COL26A1: variants seen among roughly 807,000 people sequenced by gnomAD.
COL26A1 encodes collagen alpha-1(XXVI) chain.
COL26A1 carries 41 observed loss-of-function variants against 59.3 expected under a neutral mutation model. The observed-to-expected ratio is 0.69, with a 90% CI of 0.54 to 0.90. COL26A1 has a LOEUF of 0.90. COL26A1 is among the 40% of genes least tolerant of loss of function. The pLI is 0.00. For missense variants in COL26A1, 612 were observed against 602.3 expected (o/e 1.02, Z -0.17); for synonymous variants, 266 against 256.0 (o/e 1.04, Z -0.37).
At chr7:101,522,845 T>C (rs1356229522) in intron 3 of COL26A1, among the ~76,000 whole-genome samples, 2 of 152,006 alleles carry the variant, frequency 1.3e-5, no homozygotes, top group Non-Finnish European at 2.9e-5. Flanking sequence ...AGAGTAACTG[T>C]TAGTCTTTTT....
intron 1 of COL26A1, among the ~76,000 whole-genome samples, chr7:101,415,151 C>T (rs191010927): frequency 2.4e-4 from 34 of 140,526 alleles, no homozygotes; most frequent in African/African-American, 7.5e-4. Flanking sequence ...GATCATAACC[C>T]CCCCCCTTTT....
chr7:101,452,554 G>A (rs959224751), intron 3 of COL26A1, among the ~76,000 whole-genome samples: 1 of 152,068 alleles, frequency 6.6e-6, no homozygotes. Context: ...GTCTTTATGG[G>A]AACACCAAAG....
At chr7:101,487,240 G>T (rs146661297) in intron 3 of COL26A1, among the ~76,000 whole-genome samples, 1 of 152,324 alleles carries the variant, frequency 6.6e-6, no homozygotes, top group Non-Finnish European at 1.5e-5. Flanking sequence ...GCCTGGGGAG[G>T]AGGGCAGGGT....
chr7:101,479,609 T>G (rs1794115430), intron 3 of COL26A1, among the ~76,000 whole-genome samples: 1 of 152,224 alleles, frequency 6.6e-6, no homozygotes, highest in Admixed American at 6.6e-5. Flanking sequence ...ATCAGTTTAC[T>G]TACCCATTTA....
At chr7:101,441,672 T>C (rs1302626626) in intron 2 of COL26A1, among the ~76,000 whole-genome samples, 1 of 152,126 alleles carries the variant, frequency 6.6e-6, no homozygotes, top group Non-Finnish European at 1.5e-5. Flanking sequence ...CAAGTGTGGA[T>C]TGAAGTGAGA....
rs35706592 is a variant in COL26A1, at chr7:101,390,966, C to T, written c.158+27776C>T. ...CACTGTGGCTTTAGAGATCCTTTCC[C>T]TCTCTAGGTCTACTCTTTGGCCTGT... On this transcript the variant is annotated intron_variant, in intron 1 of 12. Coordinates refer to ENST00000313669, the MANE Select transcript of COL26A1 (RefSeq NM_001278563.3). 9.6e-3 allele frequency among the ~76,000 whole-genome samples: 1,465 copies of T among 152,290 alleles called. 6 individuals carry two copies. The highest frequency in any genetic ancestry group is 0.016 in the Non-Finnish European group (1,116 of 68,030).
chr7:101,461,833 G>C (rs566132991), intron 3 of COL26A1, among the ~76,000 whole-genome samples: 25 of 152,244 alleles, frequency 1.6e-4, no homozygotes, highest in African/African-American at 5.8e-4. Context: ...CTCGTCCACA[G>C]TGTGCTGGCC....
intron 3 of COL26A1, among the ~76,000 whole-genome samples, chr7:101,481,572 T>C (rs887739921): frequency 6.6e-6 from 1 of 151,798 alleles, no homozygotes; most frequent in African/African-American, 2.4e-5. Context: ...CTGCTCAGCC[T>C]CCTAAGTAGC....
At chr7:101,508,585 C>T (rs1360442867) in intron 3 of COL26A1, among the ~76,000 whole-genome samples, 2 of 151,742 alleles carry the variant, frequency 1.3e-5, no homozygotes, top group Non-Finnish European at 2.9e-5. Flanking sequence ...CCCTTCCCAC[C>T]CCTCCTTGAT....
chr7:101,553,251 C>T, intron 10 of COL26A1, 75 bp from the exon 11 acceptor site: 1 of 1,383,674 alleles, frequency 7.2e-7, no homozygotes, highest in African/African-American at 1.4e-5. Context: ...CCCTGCAGGC[C>T]CCCAGGGAAC....
intron 3 of COL26A1, among the ~76,000 whole-genome samples, chr7:101,528,265 C>A (rs190141030): frequency 6.6e-6 from 1 of 152,180 alleles, no homozygotes; most frequent in African/African-American, 2.4e-5. Context: ...CTGGGCCTCC[C>A]CCTCCATCCG....
At chr7:101,400,433 C>T (rs1465414965) in intron 1 of COL26A1, among the ~76,000 whole-genome samples, 1 of 144,428 alleles carries the variant, frequency 6.9e-6, no homozygotes, top group Non-Finnish European at 1.5e-5. Flanking sequence ...ACGATCTCGG[C>T]TCACTGCAAC....
intron 3 of COL26A1, among the ~76,000 whole-genome samples, chr7:101,461,717 G>C (rs1793616938): frequency 6.6e-6 from 1 of 152,178 alleles, no homozygotes; most frequent in Admixed American, 6.5e-5. Context: ...CCTGGTTGGG[G>C]CTGGGGTCCC....
At chr7:101,425,748 C>T (rs567323503) in intron 2 of COL26A1, among the ~76,000 whole-genome samples, 74 of 151,808 alleles carry the variant, frequency 4.9e-4, no homozygotes, top group Admixed American at 1.2e-3. Flanking sequence ...CTCAAATGAT[C>T]GGCCTCCCTC....
In COL26A1 at chr7:101,517,846, C is replaced by T. The variant is rs1795063976; in HGVS notation, c.386-15236C>T. 3.6e-5 allele frequency among the ~76,000 whole-genome samples: 4 copies of T among 111,314 alleles called. No individual in the cohort carries two copies. In the Admixed American group the frequency reaches 4.0e-4, roughly 11 times the overall value. 73.0% of individuals were successfully genotyped at this position (111,314 alleles called of 152,430 possible). ...TTTTTTTTTTTGAGATGAGGTCTTG[C>T]TCTGTGTCCCAGGCTGGAGTGCAGT... On this transcript the variant is annotated intron_variant, in intron 3 of 12. Transcript: ENST00000313669.
intron 3 of COL26A1, among the ~76,000 whole-genome samples, chr7:101,509,683 C>T (rs564262451): frequency 1.1e-4 from 17 of 152,250 alleles, no homozygotes; most frequent in African/African-American, 3.8e-4. Context: ...AGTTGAGGCC[C>T]CCAGCAGCTC....
chr7:101,538,142 G>A (rs1795522266), intron 4 of COL26A1, among the ~76,000 whole-genome samples: 1 of 152,150 alleles, frequency 6.6e-6, no homozygotes, highest in Admixed American at 6.5e-5. Flanking sequence ...TCCATCACGT[G>A]ACCTGACAGC....
chr7:101,374,423 C>T (rs923492203), intron 1 of COL26A1, among the ~76,000 whole-genome samples: 5 of 152,154 alleles, frequency 3.3e-5, no homozygotes, highest in Admixed American at 6.6e-5. Context: ...GGAACCGGGC[C>T]GCACAGCAGG....
At position 101,519,098 on chromosome 7, in the gene COL26A1, A is replaced by T. The variant is rs867611029; in HGVS notation, c.386-13984A>T. ...TCAAACAGACCTGCCATGACCTGTT[A>T]CACTTGCCTGTCCAGAAGAGGCGAG... is the stretch of plus-strand genomic sequence containing the variant. On this transcript the variant is annotated intron_variant, in intron 3 of 12. Transcript: ENST00000313669. 3.3e-5 allele frequency among the ~76,000 whole-genome samples: 5 copies of T among 152,132 alleles called. No individual in the cohort carries two copies. The South Asian group carries it at 1.0e-3, about 32-fold the overall frequency.
Sources: allele counts gnomAD v4.1 joint callset (sites outside exome capture counted in the v4.1 genomes callset), GRCh38; gene constraint gnomAD v4.1.1; transcripts MANE v1.5; gene names NCBI Gene and HGNC (gene_info 2026-07-23, HGNC 2026-07-21).